Variants in GID4 observed in about 807,000 individuals in gnomAD.
The protein encoded by GID4 is glucose-induced degradation protein 4 homolog.
In GID4, 7 loss-of-function variants were observed where a neutral mutation model predicts 32.4. That is an observed-to-expected ratio of 0.22 (90% CI 0.12 to 0.41). GID4 has a LOEUF of 0.41. GID4 is among the 10% of genes least tolerant of loss of function. The pLI is 1.00. For missense variants in GID4, 309 were observed against 400.0 expected (o/e 0.77, Z 1.94); for synonymous variants, 166 against 170.0 (o/e 0.98, Z 0.18).
intron 4 of GID4, among the ~76,000 whole-genome samples, chr17:18,060,969 AGG>A (rs774654112): frequency 1.4e-4 from 21 of 152,182 alleles, no homozygotes; most frequent in Non-Finnish European, 2.4e-4. Flanking sequence ...TCCTGACCTC[AGG>A]TGATCCACCC....
At position 18,065,208 on chromosome 17, in the gene GID4, C is replaced by T. The variant is rs755777454; in HGVS notation, c.868C>T (p.Pro290Ser). Residue 290 changes from proline (P) to serine (S), a missense_variant, in exon 6 of 6, where the codon CCT (proline) becomes TCT (serine). By Grantham distance (74) the Pro-to-Ser change is moderately conservative (BLOSUM62 -1). Around this residue, in one of 2 missense-constraint regions of GID4, gnomAD observed 116 missense variants for 214.2 expected, o/e 0.54. Coordinates refer to ENST00000268719, the MANE Select transcript of GID4 (RefSeq NM_024052.5). ...WYQSLNLTHV[P>S]EHSAPIYEFR ...TCAGTCCCTCAATCTAACCCATGTT[C>T]CTGAACACAGTGCACCCATCTATGA... The T allele has an allele frequency of 3.1e-6, 5 of 1,613,942 alleles. No individual in the cohort carries two copies. The highest frequency in any genetic ancestry group is 1.1e-5 in the South Asian group (1 of 91,072).
At chr17:18,050,822 T>G (rs559298181) in intron 2 of GID4, among the ~76,000 whole-genome samples, 1 of 152,334 alleles carries the variant, frequency 6.6e-6, no homozygotes, top group East Asian at 1.9e-4. Context: ...CACCAAGGGA[T>G]GCCCACTCCT....
At chr17:18,060,464 A>AG (rs2045009235) in intron 4 of GID4, among the ~76,000 whole-genome samples, 1 of 151,862 alleles carries the variant, frequency 6.6e-6, no homozygotes, top group South Asian at 2.1e-4. Flanking sequence ...TGCCAGATGC[A>AG]GAGAGTAAAC....
At chr17:18,042,893 G>A (rs2044815593) in intron 1 of GID4, among the ~76,000 whole-genome samples, 1 of 152,188 alleles carries the variant, frequency 6.6e-6, no homozygotes, top group Admixed American at 6.5e-5. Context: ...TGACTGTGCT[G>A]TTGTGCATCT....
chr17:18,065,198 A>T lies in GID4; in HGVS notation c.858A>T (p.Leu286=). 6.2e-7 allele frequency: 1 copy of T among 1,613,840 alleles called. No homozygotes were observed. Among genetic ancestry groups the T allele is most frequent in the Non-Finnish European group, 8.5e-7 (1 of 1,179,738 alleles). ...RSSEWYQSLN[L]THVPEHSAPI... Reference sequence around the variant, plus strand: ...CTTGCAGGTATCAGTCCCTCAATCTAACCCATGTTCCTGAACACAGTGCAC... The same window carrying T: ...CTTGCAGGTATCAGTCCCTCAATCTTACCCATGTTCCTGAACACAGTGCAC... The change falls in exon 6 of 6, where the codon CTA becomes CTT. Residue 286 remains leucine, a synonymous_variant. Transcript: ENST00000268719.
At chr17:18,047,136 G>T (rs546931524) in intron 2 of GID4, among the ~76,000 whole-genome samples, 1 of 152,122 alleles carries the variant, frequency 6.6e-6, no homozygotes, top group Non-Finnish European at 1.5e-5. Flanking sequence ...ACTGATTAAG[G>T]ATCTCCTATG....
chr17:18,042,387 A>G (rs2044811502), intron 1 of GID4, among the ~76,000 whole-genome samples: 1 of 152,218 alleles, frequency 6.6e-6, no homozygotes, highest in Admixed American at 6.5e-5. Context: ...GACATTTCAT[A>G]TAATCACATA....
intron 1 of GID4, among the ~76,000 whole-genome samples, chr17:18,044,666 G>C (rs1212064984): frequency 6.6e-6 from 1 of 152,202 alleles, no homozygotes; most frequent in Non-Finnish European, 1.5e-5. Context: ...ATGATGTTTA[G>C]TGTAAAAACT....
At chr17:18,062,015 C>T in intron 5 of GID4, 40 bp downstream of exon 5, 1 of 1,604,992 alleles carries the variant, frequency 6.2e-7, no homozygotes, top group Non-Finnish European at 8.5e-7. Flanking sequence ...GGAGGGCTTG[C>T]TGCCCAGCTG....
intron 2 of GID4, among the ~76,000 whole-genome samples, chr17:18,051,382 G>A (rs902608116): frequency 2.6e-5 from 4 of 152,164 alleles, no homozygotes; most frequent in Admixed American, 6.6e-5. Flanking sequence ...CTTGAAACTC[G>A]GAAAAATAAT....
intron 3 of GID4, 62 bp from the exon 4 acceptor site, chr17:18,058,806 T>C: frequency 1.9e-6 from 2 of 1,057,466 alleles, no homozygotes; most frequent in Admixed American, 1.7e-5. Context: ...CACATAAGCA[T>C]AGTTCTGAGA....
Position 18,039,448 on chromosome 17 carries a change from A to G in GID4, c.-17A>G. ...TGTGTTTGTGTGTTGTGTGTCTGTG[A>G]GTGTCTGTGTGTGTGTATGTGTGCG... is the stretch of plus-strand genomic sequence containing the variant. On this transcript the variant is annotated 5_prime_UTR_variant, in exon 1 of 6. Coordinates refer to ENST00000268719, the MANE Select transcript of GID4 (RefSeq NM_024052.5). This position sits in a 1 kb window ranked among gnomAD's most constrained non-coding sequence, Gnocchi z 5.3. 1 of 1,378,596 alleles carries G rather than the reference A, an allele frequency of 7.3e-7. No homozygotes were observed. Among genetic ancestry groups the G allele is most frequent in the Non-Finnish European group, 9.4e-7 (1 of 1,063,782 alleles). The allele number at this position is 1,378,596 out of a possible 1,614,324, so 85.4% of individuals were successfully genotyped here. A position where few individuals can be genotyped will look rare whatever the true frequency, so the allele number is the denominator to read the frequency against.
chr17:18,064,490 A>T (rs2045043528), intron 5 of GID4, among the ~76,000 whole-genome samples: 1 of 152,180 alleles, frequency 6.6e-6, no homozygotes, highest in Non-Finnish European at 1.5e-5. Flanking sequence ...ACACTCCTGT[A>T]TGAAACAAGT....
At chr17:18,048,103 G>A (rs1021157471) in intron 2 of GID4, among the ~76,000 whole-genome samples, 15 of 151,466 alleles carry the variant, frequency 9.9e-5, no homozygotes, top group African/African-American at 2.4e-4. Flanking sequence ...GGGTTTCACC[G>A]TGTTAGCCAG....
In GID4 at chr17:18,061,806, G is replaced by T; in HGVS notation, c.709-39G>T. ...CAGGGAGGCCCCGTGGGTGGTCAGA[G>T]AATGCTATCTGTTACTGACCCTCTT... On this transcript the variant is annotated intron_variant, in intron 4 of 5. Coordinates refer to ENST00000268719, the MANE Select transcript of GID4 (RefSeq NM_024052.5). The surrounding 1 kb of genome is among the most constrained non-coding windows in gnomAD (Gnocchi z 4.4). 1.2e-6 allele frequency: 2 copies of T among 1,611,218 alleles called. No homozygotes were observed. Among genetic ancestry groups the T allele is most frequent in the Non-Finnish European group, 1.7e-6 (2 of 1,177,950 alleles).
intron 4 of GID4, among the ~76,000 whole-genome samples, chr17:18,059,962 T>A (rs1397858342): frequency 1.3e-5 from 2 of 151,634 alleles, no homozygotes; most frequent in African/African-American, 4.9e-5. Context: ...GGCATGCCCC[T>A]GTAGTCGCAG....
At chr17:18,059,600 G>A (rs2045000850) in intron 4 of GID4, among the ~76,000 whole-genome samples, 2 of 152,230 alleles carry the variant, frequency 1.3e-5, no homozygotes, top group African/African-American at 2.4e-5. Flanking sequence ...CTTTGATAAC[G>A]TGATATTTAC....
intron 1 of GID4, 139 bp downstream of exon 1, chr17:18,040,041 G>C (rs1206839068): frequency 3.5e-6 from 4 of 1,157,508 alleles, no homozygotes; most frequent in Non-Finnish European, 4.4e-6. Flanking sequence ...TCCCACCCGG[G>C]ACCTTCCCAG....
At position 18,042,062 on chromosome 17, in the gene GID4, G is replaced by T. The variant is rs112861527; in HGVS notation, c.438+2160G>T. On this transcript the variant is annotated intron_variant, in intron 1 of 5. Transcript: ENST00000268719. ...AATTGCCCCATCATCTGGTTTTTCA[G>T]CCAGGACTAGTTTGTCAGACACAGC... is the stretch of plus-strand genomic sequence containing the variant. 3.9e-5 allele frequency among the ~76,000 whole-genome samples: 6 copies of T among 152,206 alleles called. No individual in the cohort carries two copies. In the South Asian group the frequency reaches 1.2e-3, roughly 31 times the overall value.
Sources: allele counts gnomAD v4.1 joint callset (sites outside exome capture counted in the v4.1 genomes callset), GRCh38; gene constraint gnomAD v4.1.1; regional missense constraint gnomAD v4.1.1; non-coding constraint Gnocchi (gnomAD v3.1); transcripts MANE v1.5; gene names NCBI Gene and HGNC (gene_info 2026-07-23, HGNC 2026-07-21).